Variants in SUMO3 observed in about 807,000 individuals in gnomAD.
SUMO3 encodes the protein small ubiquitin-related modifier 3.
SUMO3 carries 2 observed loss-of-function variants against 11.1 expected under a neutral mutation model. The ratio of observed to expected loss-of-function variants is 0.18; its 90% confidence interval spans 0.07 to 0.57. The LOEUF is 0.57. SUMO3 is among the 20% of genes least tolerant of loss of function. The pLI is 0.92. For synonymous variants in SUMO3, 56 were observed against 53.5 expected (o/e 1.05, Z -0.20); for missense variants, 70 against 132.8 (o/e 0.53, Z 2.32).
intron 1 of SUMO3, among the ~76,000 whole-genome samples, chr21:44,817,560 C>G (rs2146429359): frequency 6.6e-6 from 1 of 152,068 alleles, no homozygotes. Context: ...CCAGCAATGA[C>G]TCAGGAGAGG....
At chr21:44,814,750 A>G (rs1282451290) in intron 1 of SUMO3, among the ~76,000 whole-genome samples, 1 of 152,172 alleles carries the variant, frequency 6.6e-6, no homozygotes, top group African/African-American at 2.4e-5. Flanking sequence ...ACATCAGCAA[A>G]TGTGAGGGAA....
At position 44,817,278 on chromosome 21, in the gene SUMO3, A is replaced by G. The variant is rs370484736; in HGVS notation, c.21+670T>C. ...CACACGGGGCGCGATGGGTGGGAGTAGGTGCACACTGAGGGCACGATTGGG... is the reference window on the plus strand; with the variant it reads ...CACACGGGGCGCGATGGGTGGGAGTGGGTGCACACTGAGGGCACGATTGGG... On this transcript the variant is annotated intron_variant, in intron 1 of 3. Transcript: ENST00000332859. 4.5e-5 allele frequency among the ~76,000 whole-genome samples: 6 copies of G among 133,710 alleles called. No individual in the cohort carries two copies. The East Asian group carries it at 7.1e-4, about 16-fold the overall frequency. 87.7% of individuals were successfully genotyped at this position (133,710 alleles called of 152,430 possible).
chr21:44,806,225 T>C lies in SUMO3; in HGVS notation c.*726A>G, dbSNP rs1198890121. The C allele has an allele frequency of 6.6e-6, 1 of 150,784 alleles. No individual in the cohort carries two copies. Among genetic ancestry groups the C allele is most frequent in the Non-Finnish European group, 1.5e-5 (1 of 67,672 alleles). 9.3% of individuals were successfully genotyped at this position (150,784 alleles called of 1,614,324 possible). On this transcript the variant is annotated 3_prime_UTR_variant, in exon 4 of 4. Coordinates refer to ENST00000332859, the MANE Select transcript of SUMO3 (RefSeq NM_006936.3). ...AGGCCAATTTTGGTTGTGCCAATCC[T>C]TGCCTGTGTACCAACGCCAGGTACT... is the stretch of plus-strand genomic sequence containing the variant.
intron 1 of SUMO3, among the ~76,000 whole-genome samples, chr21:44,815,749 G>A (rs190569933): frequency 0.016 from 2,409 of 152,222 alleles, 32 homozygotes; most frequent in African/African-American, 0.035. Context: ...CTGCAGCCCC[G>A]GGAGAGGCTG....
intron 3 of SUMO3, chr21:44,808,707 C>A: frequency 7.8e-7 from 1 of 1,282,694 alleles, no homozygotes; most frequent in Non-Finnish European, 1.0e-6. Context: ...GCACAAGAAT[C>A]CAGCTGGCCC....
rs2083213714 is a variant in SUMO3, at chr21:44,811,775, A to G, written c.150+2201T>C. Among the ~76,000 whole-genome samples the G allele has an allele frequency of 6.6e-6, 1 of 152,206 alleles. No homozygotes were observed. The highest frequency in any genetic ancestry group is 2.1e-4 in the South Asian group (1 of 4,832). On this transcript the variant is annotated intron_variant, in intron 2 of 3. Transcript: ENST00000332859. The surrounding 1 kb of genome is among the most constrained non-coding windows in gnomAD (Gnocchi z 5.0). ...GGAGAAAAATTATCAAATTTAAAATATCTAGGACAATGAGCAGCAGGAGGA... is the reference window on the plus strand; with the variant it reads ...GGAGAAAAATTATCAAATTTAAAATGTCTAGGACAATGAGCAGCAGGAGGA...
chr21:44,810,622 A>C lies in SUMO3; in HGVS notation c.151-1504T>G, dbSNP rs1301506928. On this transcript the variant is annotated intron_variant, in intron 2 of 3. Transcript: ENST00000332859. The surrounding 1 kb of genome is among the most constrained non-coding windows in gnomAD (Gnocchi z 4.1). ...TCTCCCCTCCAGATGCGCCTCCAGGAGGCTGGCCGGAGCCTGGAGGACTCA... is the reference window on the plus strand; with the variant it reads ...TCTCCCCTCCAGATGCGCCTCCAGGCGGCTGGCCGGAGCCTGGAGGACTCA... Among the ~76,000 whole-genome samples the C allele has an allele frequency of 6.6e-6, 1 of 152,206 alleles. No individual in the cohort carries two copies. Among genetic ancestry groups the C allele is most frequent in the Non-Finnish European group, 1.5e-5 (1 of 68,026 alleles).
rs1030641205 is a variant in SUMO3, at chr21:44,807,750, C to T, written c.223-710G>A. On this transcript the variant is annotated intron_variant, in intron 3 of 3. Transcript: ENST00000332859. This position sits in a 1 kb window ranked among gnomAD's most constrained non-coding sequence, Gnocchi z 4.3. Reference sequence around the variant, plus strand: ...CTGTCGGCCACCCTCACCCTGCCACCGACACTATGGGCTGGAGGGAGAGCC... The same window carrying T: ...CTGTCGGCCACCCTCACCCTGCCACTGACACTATGGGCTGGAGGGAGAGCC... Among the ~76,000 whole-genome samples the T allele has an allele frequency of 6.6e-6, 1 of 152,152 alleles. No individual in the cohort carries two copies.
At chr21:44,813,722 C>T (rs550749185) in intron 2 of SUMO3, 148 of 1,226,500 alleles carry the variant, frequency 1.2e-4, no homozygotes, top group Middle Eastern at 2.9e-4. Flanking sequence ...CCCGGGCAGC[C>T]GCCCTGTCAG....
chr21:44,807,930 C>T lies in SUMO3; in HGVS notation c.223-890G>A, dbSNP rs745707690. On this transcript the variant is annotated intron_variant, in intron 3 of 3. Transcript: ENST00000332859. This position sits in a 1 kb window ranked among gnomAD's most constrained non-coding sequence, Gnocchi z 4.3. Reference sequence around the variant, plus strand: ...ACTCCCAGAGCTGCCACTGCCTCAGCGGTGTGTAGGTTTCCTCAAGTAGGT... The same window carrying T: ...ACTCCCAGAGCTGCCACTGCCTCAGTGGTGTGTAGGTTTCCTCAAGTAGGT... 1.3e-5 allele frequency among the ~76,000 whole-genome samples: 2 copies of T among 152,212 alleles called. No individual in the cohort carries two copies. Among genetic ancestry groups the T allele is most frequent in the African/African-American group, 2.4e-5 (1 of 41,454 alleles).
chr21:44,817,821 T>C (rs931518360), intron 1 of SUMO3, 127 bp downstream of exon 1: 3 of 1,244 alleles, frequency 2.4e-3, no homozygotes, highest in African/African-American at 0.02. Context: ...GGCGGGGCTC[T>C]AGAGGGCGGG....
Position 44,806,982 on chromosome 21 carries a change from G to A in SUMO3, c.281C>T (p.Pro94Leu), listed in dbSNP as rs112870818. 3,358 of 1,614,052 alleles carry A rather than the reference G, an allele frequency of 2.1e-3. 42 individuals are homozygous for A. The African/African-American group carries it at 0.037, about 18-fold the overall frequency. Residue 94 changes from proline to leucine, a missense_variant, in exon 4 of 4, where the codon CCG becomes CTG. Coordinates refer to ENST00000332859, the MANE Select transcript of SUMO3 (RefSeq NM_006936.3). ...ACTGTGCCCTGCCAGGCTGCTCTCC[G>A]GCACACCTCCCGTCTGCTGCTGGAA... is the stretch of plus-strand genomic sequence containing the variant. The part of the protein sequence containing the change: ...DVFQQQTGGV[P>L]ESSLAGHSF
rs1170037491 is a variant in SUMO3 at position 44,810,613 on chromosome 21, G to A, written c.151-1495C>T. Among the ~76,000 whole-genome samples, 2 of 152,206 alleles carry A rather than the reference G, an allele frequency of 1.3e-5. No individual in the cohort carries two copies. Among genetic ancestry groups the A allele is most frequent in the East Asian group, 1.9e-4 (1 of 5,196 alleles). Reference sequence around the variant, plus strand: ...CAAGTCCCCTCTCCCCTCCAGATGCGCCTCCAGGAGGCTGGCCGGAGCCTG... The same window carrying A: ...CAAGTCCCCTCTCCCCTCCAGATGCACCTCCAGGAGGCTGGCCGGAGCCTG... On this transcript the variant is annotated intron_variant, in intron 2 of 3. Coordinates refer to ENST00000332859, the MANE Select transcript of SUMO3 (RefSeq NM_006936.3). This position sits in a 1 kb window ranked among gnomAD's most constrained non-coding sequence, Gnocchi z 4.1.
chr21:44,806,774 T>G lies in SUMO3; in HGVS notation c.*177A>C, dbSNP rs569672376. On this transcript the variant is annotated 3_prime_UTR_variant, in exon 4 of 4. Transcript: ENST00000332859. ...CAATTCTGATTGGCCCAATTTAAGT[T>G]ACAGATTCATCCCTGCAGATATAGT... The G allele has an allele frequency of 4.3e-6, 6 of 1,389,370 alleles. No homozygotes were observed. The African/African-American group carries it at 7.3e-5, about 17-fold the overall frequency. 86.1% of individuals were successfully genotyped at this position (1,389,370 alleles called of 1,614,324 possible). A position where few individuals can be genotyped will look rare whatever the true frequency, so the allele number is the denominator to read the frequency against.
intron 2 of SUMO3, among the ~76,000 whole-genome samples, chr21:44,809,868 C>T (rs1312809091): frequency 6.6e-6 from 1 of 152,206 alleles, no homozygotes; most frequent in African/African-American, 2.4e-5. Context: ...TGTCCTGGTG[C>T]CCTGACCTGT....
Position 44,811,429 on chromosome 21 carries a change from A to C in SUMO3, c.151-2311T>G, listed in dbSNP as rs1265084417. On this transcript the variant is annotated intron_variant, in intron 2 of 3. Transcript: ENST00000332859. This position sits in a 1 kb window ranked among gnomAD's most constrained non-coding sequence, Gnocchi z 5.0. ...TCTCCACAAAATAAAAAAATGAGCC[A>C]GGCGTGGTGGCGTGTACCTGGAGTC... 1.3e-5 allele frequency among the ~76,000 whole-genome samples: 2 copies of C among 152,070 alleles called. No homozygotes were observed. The highest frequency in any genetic ancestry group is 4.8e-5 in the African/African-American group (2 of 41,400).
rs2083186429 is a variant in SUMO3, at chr21:44,807,779, A to T, written c.223-739T>A. On this transcript the variant is annotated intron_variant, in intron 3 of 3. Transcript: ENST00000332859. The surrounding 1 kb of genome is among the most constrained non-coding windows in gnomAD (Gnocchi z 4.3). ...ACTATGGGCTGGAGGGAGAGCCCCC[A>T]GGCAGGGCTCCCTCTGCCTCTCGGT... Among the ~76,000 whole-genome samples, 1 of 151,850 alleles carries T rather than the reference A, an allele frequency of 6.6e-6. No homozygotes were observed. The highest frequency in any genetic ancestry group is 1.5e-5 in the Non-Finnish European group (1 of 67,920).
At chr21:44,808,012 A>C (rs2083188060) in intron 3 of SUMO3, among the ~76,000 whole-genome samples, 1 of 152,226 alleles carries the variant, frequency 6.6e-6, no homozygotes, top group Non-Finnish European at 1.5e-5. Context: ...CTGAATAGTA[A>C]ATATTTAAAA....
intron 1 of SUMO3, among the ~76,000 whole-genome samples, chr21:44,817,328 G>C (rs1198023492): frequency 6.6e-6 from 1 of 151,502 alleles, no homozygotes; most frequent in Admixed American, 6.6e-5. Context: ...AGGGGTGGGC[G>C]CACACTGGGG....
Sources: allele counts gnomAD v4.1 joint callset (sites outside exome capture counted in the v4.1 genomes callset), GRCh38; gene constraint gnomAD v4.1.1; non-coding constraint Gnocchi (gnomAD v3.1); transcripts MANE v1.5; gene names NCBI Gene and HGNC (gene_info 2026-07-23, HGNC 2026-07-21).